The following PRDM1 variants were observed in gnomAD, a reference collection of about 807,000 sequenced individuals.
The protein encoded by PRDM1 is PR domain zinc finger protein 1.
Under a neutral mutation model 62.8 loss-of-function variants are expected in PRDM1, and 13 were observed. That is an observed-to-expected ratio of 0.21 (90% CI 0.13 to 0.33). The LOEUF (loss-of-function observed/expected upper bound fraction) is 0.33, where lower values mean the gene tolerates loss of function less well. Ranked by LOEUF, PRDM1 falls within the 10% of genes least tolerant of loss-of-function variation. PRDM1 has a pLI of 1.00. For synonymous variants in PRDM1, 396 were observed against 417.6 expected, an observed-to-expected ratio of 0.95 and a Z score of 0.63; for missense variants, 895 against 1,058.8, an observed-to-expected ratio of 0.85 and a Z score of 2.15.
At chr6:106,066,619 T>A (rs1290393861) in intron 1 of PRDM1, among the ~76,000 whole-genome samples, 1 of 152,170 alleles carries the variant, frequency 6.6e-6, no homozygotes, top group Non-Finnish European at 1.5e-5. Flanking sequence ...TGTCTAACTT[T>A]TTTCCTAATT....
At chr6:106,080,140 AGCTGGTGGTG>A (rs1483015009) in intron 1 of PRDM1, among the ~76,000 whole-genome samples, 1 of 152,226 alleles carries the variant, frequency 6.6e-6, no homozygotes. Context: ...TACTCTGCCT[AGCTGGTGGTG>A]GCAGCGTAAT....
rs117993363 is a variant in PRDM1 at position 106,013,263 on chromosome 6, A to G, written c.-67+19624A>G. Among the ~76,000 whole-genome samples, 587 of 152,028 alleles carry G rather than the reference A, an allele frequency of 3.9e-3. 11 individuals are homozygous for G. The East Asian group carries it at 0.052, about 13-fold the overall frequency. On this transcript the variant is annotated intron_variant, in intron 1 of 6. Coordinates refer to the PRDM1 transcript ENST00000652320. ...AATCCCTCTAAAACAGAAATTTTGT[A>G]CAGGCATCTGCCTAAACTGAGCTTA... is the stretch of plus-strand genomic sequence containing the variant.
chr6:106,071,811 A>G (rs1222584460), intron 1 of PRDM1, among the ~76,000 whole-genome samples: 1 of 152,192 alleles, frequency 6.6e-6, no homozygotes, highest in Non-Finnish European at 1.5e-5. Context: ...GGTGAGAGTT[A>G]AGGAAGTGTT....
Position 106,099,349 on chromosome 6 carries a change from A to C in PRDM1, c.461A>C (p.Glu154Ala). The change falls in exon 4 of 7, where the codon GAG (glutamate) becomes GCG (alanine). Residue 154 changes from glutamate to alanine, a missense_variant. Physicochemically the swap from Glu to Ala is moderately radical, Grantham distance 107. This residue lies in a region of PRDM1 where 213 missense variants were observed against 283.9 expected (regional missense o/e 0.75). Coordinates refer to ENST00000369096, the MANE Select transcript of PRDM1 (RefSeq NM_001198.4). The part of the protein sequence containing the change: ...LHHFIDGFNE[E>A]KSNWMRYVNP... ...CACTTCATTGACGGCTTTAATGAAG[A>C]GAAAAGCAACTGGATGCGCTATGTG... 6.2e-7 allele frequency: 1 copy of C among 1,614,162 alleles called. No individual in the cohort carries two copies. Among genetic ancestry groups the C allele is most frequent in the Non-Finnish European group, 8.5e-7 (1 of 1,180,010 alleles).
chr6:106,105,388 T>A lies in PRDM1; in HGVS notation c.1228T>A (p.Tyr410Asn), dbSNP rs1348877021. 4.3e-6 allele frequency: 7 copies of A among 1,614,062 alleles called. No individual in the cohort carries two copies. The highest frequency in any genetic ancestry group is 5.9e-6 in the Non-Finnish European group (7 of 1,179,998). The change falls in exon 5 of 7, where the codon TAC (tyrosine) becomes AAC (asparagine). Residue 410 changes from tyrosine (Y) to asparagine (N), a missense_variant. Transcript: ENST00000369096. ...TTTCATCCCCTCGTACAACGCTCAC[T>A]ACCCCAAGTTCCTCTTGCCCCCCTA... ...PAFIPSYNAH[Y>N]PKFLLPPYGM... is the part of the protein sequence containing the mutation.
intron 1 of PRDM1, among the ~76,000 whole-genome samples, chr6:106,006,508 G>C (rs559186073): frequency 6.6e-6 from 1 of 151,650 alleles, no homozygotes; most frequent in African/African-American, 2.4e-5. Context: ...GCATTTTATC[G>C]TCTCCCTTTG....
intron 1 of PRDM1, among the ~76,000 whole-genome samples, chr6:105,998,909 ATATATATATATATATATATATATATTTT>A (rs1250564227): frequency 0.037 from 2,209 of 59,684 alleles, 79 homozygotes; most frequent in Middle Eastern, 0.11. Context: ...ATATATATAT[ATATATATATATATATATATATATATTTT>A]TTTTTTTTTT....
intron 1 of PRDM1, among the ~76,000 whole-genome samples, chr6:106,036,556 T>C (rs1386735337): frequency 2.0e-5 from 3 of 152,220 alleles, no homozygotes; most frequent in Non-Finnish European, 4.4e-5. Flanking sequence ...GTGTTATTGA[T>C]GCCACAAAAC....
intron 1 of PRDM1, among the ~76,000 whole-genome samples, chr6:105,999,939 C>T (rs1286725666): frequency 6.6e-6 from 1 of 152,074 alleles, no homozygotes; most frequent in Admixed American, 6.5e-5. Flanking sequence ...CTGCAAGCTC[C>T]GCCTCCTGGG....
chr6:106,060,664 A>C (rs1773331615), intron 1 of PRDM1, among the ~76,000 whole-genome samples: 1 of 152,218 alleles, frequency 6.6e-6, no homozygotes, highest in East Asian at 1.9e-4. Context: ...GGATTGGAAG[A>C]GCTGATGTAA....
intron 1 of PRDM1, among the ~76,000 whole-genome samples, chr6:106,022,715 C>G (rs1391932976): frequency 6.6e-6 from 1 of 151,908 alleles, no homozygotes; most frequent in East Asian, 1.9e-4. Context: ...GTGAGCCACC[C>G]GCCCAGCCTT....
chr6:106,037,794 C>G (rs1772941487), intron 1 of PRDM1, among the ~76,000 whole-genome samples: 1 of 151,780 alleles, frequency 6.6e-6, no homozygotes, highest in African/African-American at 2.4e-5. Context: ...GCTCTTTGAG[C>G]ATATTTAAGA....
At chr6:106,104,536 A>C (rs1774385432) in intron 4 of PRDM1, among the ~76,000 whole-genome samples, 1 of 152,224 alleles carries the variant, frequency 6.6e-6, no homozygotes, top group African/African-American at 2.4e-5. Context: ...CAGCCTAAAC[A>C]GCAATTTTCT....
At chr6:105,995,571 A>G (rs1772338654) in intron 1 of PRDM1, among the ~76,000 whole-genome samples, 1 of 152,194 alleles carries the variant, frequency 6.6e-6, no homozygotes, top group African/African-American at 2.4e-5. Context: ...GACACAGTAA[A>G]TGGGAAAAAT....
chr6:106,038,499 A>G (rs1329801230), intron 1 of PRDM1, among the ~76,000 whole-genome samples: 5 of 152,158 alleles, frequency 3.3e-5, no homozygotes, highest in Admixed American at 1.3e-4. Flanking sequence ...GGGGAAAAGG[A>G]GAAAAATGAA....
At position 106,106,134 on chromosome 6, in the gene PRDM1, C is replaced by G. The variant is rs1774479284; in HGVS notation, c.1773+201C>G. Among the ~76,000 whole-genome samples, 1 of 152,154 alleles carries G rather than the reference C, an allele frequency of 6.6e-6. No individual in the cohort carries two copies. The highest frequency in any genetic ancestry group is 2.1e-4 in the South Asian group (1 of 4,828). The stretch of plus-strand genomic sequence containing the variant: ...TGACTTCCCTTCTCCTGATTTTCTT[C>G]TGAATAATAAAAAAATTAGGGGTTT... On this transcript the variant is annotated intron_variant, in intron 5 of 6. Coordinates refer to ENST00000369096, the MANE Select transcript of PRDM1 (RefSeq NM_001198.4). The surrounding 1 kb of genome is among the most constrained non-coding windows in gnomAD (Gnocchi z 4.4).
intron 2 of PRDM1, among the ~76,000 whole-genome samples, chr6:106,095,074 C>T (rs997689950): frequency 5.3e-5 from 8 of 149,910 alleles, no homozygotes; most frequent in African/African-American, 1.7e-4. Flanking sequence ...CACACACAAA[C>T]CTCATCTGGA....
chr6:105,999,893 G>A (rs1223587894), intron 1 of PRDM1, among the ~76,000 whole-genome samples: 3 of 151,876 alleles, frequency 2.0e-5, no homozygotes, highest in Non-Finnish European at 4.4e-5. Context: ...TTGCTCTGTC[G>A]CCCAGGCTGG....
chr6:106,043,336 G>A (rs1292924609), intron 1 of PRDM1, among the ~76,000 whole-genome samples: 1 of 152,072 alleles, frequency 6.6e-6, no homozygotes, highest in African/African-American at 2.4e-5. Flanking sequence ...TCCATGGAGG[G>A]CAAAGACTAT....
Sources: allele counts gnomAD v4.1 joint callset (sites outside exome capture counted in the v4.1 genomes callset), GRCh38; gene constraint gnomAD v4.1.1; regional missense constraint gnomAD v4.1.1; non-coding constraint Gnocchi (gnomAD v3.1); transcripts MANE v1.5; gene names NCBI Gene and HGNC (gene_info 2026-07-23, HGNC 2026-07-21).